SPECC1L: variants seen among roughly 807,000 people sequenced by gnomAD.
SPECC1L encodes the protein sperm antigen with calponin homology and coiled-coil domains 1 like, also known as cytospin-A.
Under a neutral mutation model 116.8 loss-of-function variants are expected in SPECC1L, and 40 were observed. That is an observed-to-expected ratio of 0.34 (90% CI 0.27 to 0.45). The LOEUF (loss-of-function observed/expected upper bound fraction) is 0.45. Among genes scored for constraint, SPECC1L ranks in the 20% least tolerant of loss-of-function variants. SPECC1L has a pLI of 1.00. For missense variants in SPECC1L, 1,110 were observed against 1,373.6 expected, an observed-to-expected ratio of 0.81 and a Z score of 3.03; for synonymous variants, 504 against 500.6, an observed-to-expected ratio of 1.01 and a Z score of -0.09.
rs185037981 is a variant in SPECC1L, at chr22:24,373,958, G to A, written c.3087+4638G>A. ...AAAAAAATCCCATCAACAAGTGGGC[G>A]AAGGATATGAACAGACACTTCTCAA... On this transcript the variant is annotated intron_variant, in intron 14 of 16. Transcript: ENST00000314328. 5.0e-3 allele frequency among the ~76,000 whole-genome samples: 754 copies of A among 152,202 alleles called. 6 individuals carry two copies. The highest frequency in any genetic ancestry group is 0.017 in the African/African-American group (715 of 41,520).
intron 15 of SPECC1L, chr22:24,412,079 C>CACTCCATAG (rs1440125535): frequency 2.6e-6 from 1 of 387,518 alleles, no homozygotes; most frequent in Non-Finnish European, 4.9e-6. Context: ...GGAGGGCTGT[C>CACTCCATAG]ACTCCATAGC....
At chr22:24,391,884 A>T (rs771979586) in intron 14 of SPECC1L, among the ~76,000 whole-genome samples, 26 of 152,220 alleles carry the variant, frequency 1.7e-4, no homozygotes, top group Non-Finnish European at 2.2e-4. Flanking sequence ...GAATGTAATA[A>T]AATGGTTTGT....
chr22:24,328,235 G>A (rs551629275), intron 6 of SPECC1L, among the ~76,000 whole-genome samples: 27 of 152,172 alleles, frequency 1.8e-4, no homozygotes, highest in African/African-American at 6.3e-4. Flanking sequence ...CTTATTGGTG[G>A]TGCTCATTGA....
At chr22:24,307,617 A>G (rs910410211) in intron 3 of SPECC1L, among the ~76,000 whole-genome samples, 4 of 151,128 alleles carry the variant, frequency 2.6e-5, no homozygotes, top group East Asian at 1.9e-4. Flanking sequence ...GTGTGTGTGT[A>G]TGTATGTACG....
chr22:24,407,369 TC>T (rs1416992682), intron 14 of SPECC1L, among the ~76,000 whole-genome samples: 1 of 152,132 alleles, frequency 6.6e-6, no homozygotes, highest in Non-Finnish European at 1.5e-5. Context: ...AGCAGCTTCT[TC>T]CCTGGCGGGG....
chr22:24,393,833 A>G (rs1485660769), intron 14 of SPECC1L, among the ~76,000 whole-genome samples: 1 of 152,156 alleles, frequency 6.6e-6, no homozygotes, highest in Non-Finnish European at 1.5e-5. Flanking sequence ...TACTGCCGTC[A>G]TCCTGCTTCT....
intron 14 of SPECC1L, among the ~76,000 whole-genome samples, chr22:24,411,119 G>A (rs1219194876): frequency 6.6e-6 from 1 of 152,066 alleles, no homozygotes; most frequent in Non-Finnish European, 1.5e-5. Flanking sequence ...AACCCGGGAG[G>A]TAGAGGTTGT....
intron 5 of SPECC1L, chr22:24,323,162 T>A: frequency 1.1e-6 from 1 of 950,928 alleles, no homozygotes; most frequent in Non-Finnish European, 1.3e-6. Context: ...AGGATATGGC[T>A]GGTATTACAG....
intron 10 of SPECC1L, chr22:24,343,391 G>A: frequency 2.4e-6 from 1 of 412,912 alleles, no homozygotes; most frequent in Non-Finnish European, 4.8e-6. Flanking sequence ...AGGCAGGTGA[G>A]AATGATCACA....
chr22:24,390,883 T>TTTC (rs2042258245), intron 14 of SPECC1L, among the ~76,000 whole-genome samples: 1 of 65,016 alleles, frequency 1.5e-5, no homozygotes, highest in East Asian at 4.9e-4. Flanking sequence ...TTTTTTTTTT[T>TTTC]TTTTTTTTTT....
intron 14 of SPECC1L, among the ~76,000 whole-genome samples, chr22:24,371,829 C>G (rs1408259159): frequency 6.6e-6 from 1 of 152,224 alleles, no homozygotes; most frequent in Non-Finnish European, 1.5e-5. Flanking sequence ...TCAAGTGATT[C>G]TTCTGCCTCA....
At chr22:24,326,598 C>T (rs1240168589) in intron 6 of SPECC1L, among the ~76,000 whole-genome samples, 1 of 152,128 alleles carries the variant, frequency 6.6e-6, no homozygotes, top group Non-Finnish European at 1.5e-5. Flanking sequence ...AGTCATCTAC[C>T]CTTGTTGTCT....
intron 14 of SPECC1L, among the ~76,000 whole-genome samples, chr22:24,385,299 G>A (rs1007512467): frequency 6.6e-6 from 1 of 152,018 alleles, no homozygotes; most frequent in African/African-American, 2.4e-5. Flanking sequence ...CCAAAATAAG[G>A]CAGGAAAGGA....
rs5760299 is a variant in SPECC1L, at chr22:24,270,867, C to G, written c.-258C>G. 0.17 allele frequency: 25,726 copies of G among 152,416 alleles called. 2,687 individuals are homozygous for G. The highest frequency in any genetic ancestry group is 0.23 in the Admixed American group (3,584 of 15,286). The allele number at this position is 152,416 out of a possible 1,614,324, so 9.4% of individuals were successfully genotyped here. The stretch of plus-strand genomic sequence containing the variant: ...AGGCCGGGCGGCCCGGCAAGCGGCG[C>G]TGCGGGGTAGGCTGCTTTCCTGAGG... On this transcript the variant is annotated 5_prime_UTR_variant, in exon 1 of 17. Coordinates refer to ENST00000314328, the MANE Select transcript of SPECC1L (RefSeq NM_015330.6).
rs766105646 is a variant in SPECC1L, at chr22:24,324,323, CAGAA to C, written c.2045_2048del (p.Glu682GlyfsTer4). 2 of 1,613,852 alleles carry C rather than the reference CAGAA, an allele frequency of 1.2e-6. No individual in the cohort carries two copies. Among genetic ancestry groups the C allele is most frequent in the Non-Finnish European group, 1.7e-6 (2 of 1,179,818 alleles). ...AGATCAGACCTGGATGAAAAAGAAACAGAAAGGAGTGACATGAAAGAAACCATCT... is the reference window on the plus strand; with the variant it reads ...AGATCAGACCTGGATGAAAAAGAAACAGGAGTGACATGAAAGAAACCATCT... On this transcript the variant is annotated frameshift_variant, in exon 6 of 17. Transcript: ENST00000314328. LOFTEE classifies it high-confidence loss of function.
chr22:24,284,737 GA>G (rs1246099571), intron 2 of SPECC1L, among the ~76,000 whole-genome samples: 2 of 152,084 alleles, frequency 1.3e-5, no homozygotes, highest in Non-Finnish European at 2.9e-5. Flanking sequence ...ACCCAGCTGA[GA>G]ATCTTTAAAA....
At chr22:24,303,676 A>G (rs528994980) in intron 3 of SPECC1L, among the ~76,000 whole-genome samples, 5 of 152,302 alleles carry the variant, frequency 3.3e-5, no homozygotes, top group African/African-American at 1.2e-4. Flanking sequence ...TGGAATGTGC[A>G]CTGAGCAGGC....
chr22:24,367,418 A>T (rs1006098374), intron 13 of SPECC1L, among the ~76,000 whole-genome samples: 1 of 151,638 alleles, frequency 6.6e-6, no homozygotes, highest in African/African-American at 2.4e-5. Flanking sequence ...TTAAAATATT[A>T]TGAGATTTTT....
At chr22:24,301,342 GTCT>G (rs1387557442) in intron 2 of SPECC1L, among the ~76,000 whole-genome samples, 1 of 152,190 alleles carries the variant, frequency 6.6e-6, no homozygotes, top group African/African-American at 2.4e-5. Flanking sequence ...CATTTACGTG[GTCT>G]TCTTTTATTT....
Sources: allele counts gnomAD v4.1 joint callset (sites outside exome capture counted in the v4.1 genomes callset), GRCh38; gene constraint gnomAD v4.1.1; transcripts MANE v1.5; gene names NCBI Gene and HGNC (gene_info 2026-07-23, HGNC 2026-07-21).